Variants in CNTN5 observed in about 807,000 individuals in gnomAD.
The protein encoded by CNTN5 is contactin 5, also known as contactin-5.
Under a neutral mutation model 129.1 loss-of-function variants are expected in CNTN5, and 77 were observed. That is an observed-to-expected ratio of 0.60 (90% CI 0.50 to 0.72). The LOEUF (loss-of-function observed/expected upper bound fraction) is 0.72. CNTN5 is among the 30% of genes least tolerant of loss of function. The pLI, the probability that CNTN5 is intolerant of heterozygous loss-of-function variation, is 0.00. For synonymous variants in CNTN5, 509 were observed against 465.6 expected, an observed-to-expected ratio of 1.09 and a Z score of -1.20; for missense variants, 1,478 against 1,328.8, an observed-to-expected ratio of 1.11 and a Z score of -1.75.
intron 2 of CNTN5, among the ~76,000 whole-genome samples, chr11:99,499,640 A>G (rs1256516979): frequency 6.6e-6 from 1 of 152,224 alleles, no homozygotes; most frequent in Non-Finnish European, 1.5e-5. Flanking sequence ...GTTGTCTCAT[A>G]AAAATTCTAC....
intron 3 of CNTN5, among the ~76,000 whole-genome samples, chr11:99,776,287 A>G (rs901032975): frequency 1.3e-5 from 2 of 151,964 alleles, no homozygotes; most frequent in African/African-American, 4.8e-5. Flanking sequence ...ACTAACTCTT[A>G]AGGAGAGGTA....
intron 21 of CNTN5, among the ~76,000 whole-genome samples, chr11:100,329,463 A>G (rs1012194847): frequency 6.6e-6 from 1 of 152,226 alleles, no homozygotes; most frequent in Non-Finnish European, 1.5e-5. Context: ...TCCTCCCTAT[A>G]GGACTGCAGC....
At chr11:99,546,167 T>C (rs963931290) in intron 2 of CNTN5, among the ~76,000 whole-genome samples, 1 of 152,190 alleles carries the variant, frequency 6.6e-6, no homozygotes, top group Non-Finnish European at 1.5e-5. Flanking sequence ...GGAATGTCAT[T>C]TGATGCTGTG....
At chr11:99,052,087 G>T (rs1864448500) in intron 1 of CNTN5, among the ~76,000 whole-genome samples, 1 of 151,834 alleles carries the variant, frequency 6.6e-6, no homozygotes. Context: ...TGTAAATAGT[G>T]GTTTAGCATG....
chr11:100,164,514 AT>A (rs1231748590), intron 13 of CNTN5, among the ~76,000 whole-genome samples: 2 of 151,834 alleles, frequency 1.3e-5, no homozygotes, highest in African/African-American at 4.8e-5. Flanking sequence ...TTAGAAAAAA[AT>A]GGAGGACACA....
At chr11:99,804,430 A>G (rs1232627862) in intron 3 of CNTN5, among the ~76,000 whole-genome samples, 2 of 152,012 alleles carry the variant, frequency 1.3e-5, no homozygotes, top group East Asian at 3.9e-4. Context: ...ACTCTTCAAA[A>G]TTACTTTCTG....
In CNTN5 at chr11:99,385,673, C is replaced by A. The variant is rs183819275; in HGVS notation, c.-71+60189C>A. On this transcript the variant is annotated intron_variant, in intron 2 of 24. Transcript: ENST00000524871. ...GGCTCTTTTTGTTGAAAATGGCAGACAAACCAGTATACAATAGCTTAGGCA... is the reference window on the plus strand; with the variant it reads ...GGCTCTTTTTGTTGAAAATGGCAGAAAAACCAGTATACAATAGCTTAGGCA... Among the ~76,000 whole-genome samples the A allele has an allele frequency of 1.6e-3, 238 of 152,166 alleles. 1 individual carries two copies. Among genetic ancestry groups the A allele is most frequent in the African/African-American group, 5.5e-3 (228 of 41,536 alleles).
intron 6 of CNTN5, among the ~76,000 whole-genome samples, chr11:99,862,878 A>C (rs2135776362): frequency 6.6e-6 from 1 of 152,220 alleles, no homozygotes; most frequent in South Asian, 2.1e-4. Flanking sequence ...AAGGCATGTA[A>C]CCTTCATTAA....
intron 3 of CNTN5, among the ~76,000 whole-genome samples, chr11:99,580,073 A>C (rs1353785478): frequency 6.6e-6 from 1 of 152,096 alleles, no homozygotes; most frequent in Non-Finnish European, 1.5e-5. Context: ...CCTTTTCTGT[A>C]TCTATTGAGA....
intron 1 of CNTN5, among the ~76,000 whole-genome samples, chr11:99,177,956 A>G (rs546728696): frequency 8.5e-5 from 13 of 152,270 alleles, no homozygotes; most frequent in Non-Finnish European, 1.3e-4. Context: ...GTAGAGAACT[A>G]TATGAAAACA....
intron 1 of CNTN5, among the ~76,000 whole-genome samples, chr11:99,236,645 T>C (rs1591397322): frequency 6.6e-6 from 1 of 152,194 alleles, no homozygotes; most frequent in East Asian, 1.9e-4. Flanking sequence ...TCATATAATT[T>C]TTGTGAGGAT....
At chr11:99,621,936 C>G (rs1374573940) in intron 3 of CNTN5, among the ~76,000 whole-genome samples, 2 of 152,120 alleles carry the variant, frequency 1.3e-5, no homozygotes, top group African/African-American at 4.8e-5. Flanking sequence ...GCACTGCTAT[C>G]CACTGACCAT....
At chr11:99,054,122 G>T (rs747403085) in intron 1 of CNTN5, among the ~76,000 whole-genome samples, 88 of 151,886 alleles carry the variant, frequency 5.8e-4, no homozygotes, top group Admixed American at 2.0e-4. Flanking sequence ...TAGTCTTCAG[G>T]ATGCAAGAAC....
At chr11:99,472,153 C>T (rs961175682) in intron 2 of CNTN5, among the ~76,000 whole-genome samples, 2 of 152,026 alleles carry the variant, frequency 1.3e-5, no homozygotes, top group African/African-American at 4.8e-5. Context: ...AAGTCTCCAT[C>T]GAGGCACAAA....
chr11:99,445,637 C>A (rs1048233684), intron 2 of CNTN5, among the ~76,000 whole-genome samples: 1 of 152,164 alleles, frequency 6.6e-6, no homozygotes, highest in African/African-American at 2.4e-5. Flanking sequence ...CTCAAAGAGT[C>A]AGGATGTTGC....
At chr11:100,355,215 T>C (rs1486910932) in intron 24 of CNTN5, among the ~76,000 whole-genome samples, 1 of 151,754 alleles carries the variant, frequency 6.6e-6, no homozygotes, top group Non-Finnish European at 1.5e-5. Flanking sequence ...TTTGTTTGCT[T>C]TTTAAACTGT....
intron 2 of CNTN5, among the ~76,000 whole-genome samples, chr11:99,428,542 A>C (rs925839441): frequency 6.8e-6 from 1 of 147,124 alleles, no homozygotes; most frequent in African/African-American, 2.5e-5. Context: ...CCTGGACAAG[A>C]GAGTGAGACC....
chr11:100,063,706 T>TAAAAAAAAAAAAAAA (rs35896237), intron 10 of CNTN5, among the ~76,000 whole-genome samples: 3 of 115,284 alleles, frequency 2.6e-5, no homozygotes, highest in Non-Finnish European at 5.3e-5. Context: ...AACCTGTCTC[T>TAAAAAAAAAAAAAAA]AAAAAAAAAA....
At chr11:99,373,707 G>A (rs567742269) in intron 2 of CNTN5, among the ~76,000 whole-genome samples, 5 of 49,594 alleles carry the variant, frequency 1.0e-4, no homozygotes, top group Non-Finnish European at 1.6e-4. Flanking sequence ...GGAAAACTCC[G>A]TCTCAAAAAA....
Sources: gnomAD v4.1 joint callset for allele counts (sites outside exome capture counted in the v4.1 genomes callset) on GRCh38, gnomAD v4.1.1 for gene constraint, MANE v1.5 for transcripts, NCBI Gene and HGNC (gene_info 2026-07-23, HGNC 2026-07-21) for gene names.